The following PCDHGA5 variants were observed in gnomAD, a reference collection of about 807,000 sequenced individuals.
PCDHGA5 encodes protocadherin gamma subfamily A, 5, also known as protocadherin gamma-A5.
A neutral mutation model predicts 56.7 loss-of-function variants in PCDHGA5; 36 were observed. The ratio of observed to expected loss-of-function variants is 0.64; its 90% CI spans 0.49 to 0.84. The LOEUF (loss-of-function observed/expected upper bound fraction) is 0.84. PCDHGA5 is among the 40% of genes least tolerant of loss of function. PCDHGA5 has a pLI of 0.00. For synonymous variants in PCDHGA5, 563 were observed against 520.2 expected (o/e 1.08, Z -1.12); for missense variants, 1,305 against 1,201.5 (o/e 1.09, Z -1.27).
rs1439461935 is a variant in PCDHGA5 at position 141,511,976 on chromosome 5, G to A, written c.*803G>A. ...ATAAGGAAGGGAAGTGTGTGGATGT[G>A]GATGGTGGGGGCATGGACAAAGCTT... is the stretch of plus-strand genomic sequence containing the variant. On this transcript the variant is annotated 3_prime_UTR_variant, in exon 4 of 4. Coordinates refer to ENST00000518069, the MANE Select transcript of PCDHGA5 (RefSeq NM_018918.3). 6.5e-6 allele frequency: 1 copy of A among 153,384 alleles called. No homozygotes were observed. Among genetic ancestry groups the A allele is most frequent in the Non-Finnish European group, 1.5e-5 (1 of 68,664 alleles). 9.5% of individuals were successfully genotyped at this position (153,384 alleles called of 1,614,324 possible).
At chr5:141,428,635 G>A (rs1411119011) in intron 1 of PCDHGA5, 1 of 180,288 alleles carries the variant, frequency 5.5e-6, no homozygotes, top group Non-Finnish European at 1.2e-5. Context: ...TAACTCTGTT[G>A]CTCCTACTCA....
chr5:141,479,057 T>A (rs2099487107), intron 1 of PCDHGA5, among the ~76,000 whole-genome samples: 1 of 152,234 alleles, frequency 6.6e-6, no homozygotes, highest in East Asian at 1.9e-4. Context: ...TCTCAGATAA[T>A]TTTTTATGAA....
chr5:141,448,756 C>T (rs938202200), intron 1 of PCDHGA5, among the ~76,000 whole-genome samples: 1 of 151,742 alleles, frequency 6.6e-6, no homozygotes, highest in African/African-American at 2.4e-5. Context: ...CTGGCTAACA[C>T]GGTGAAACCC....
intron 1 of PCDHGA5, among the ~76,000 whole-genome samples, chr5:141,444,014 T>C (rs2098414038): frequency 6.6e-6 from 1 of 152,122 alleles, no homozygotes; most frequent in Admixed American, 6.6e-5. Flanking sequence ...GGGTATTGGC[T>C]TCTAAAAGGA....
intron 1 of PCDHGA5, chr5:141,414,589 G>T: frequency 1.2e-6 from 2 of 1,613,834 alleles, no homozygotes; most frequent in African/African-American, 2.7e-5. Flanking sequence ...CAACGCCAGG[G>T]GTGCCTCCAT....
At chr5:141,375,564 A>G (rs1771592295) in intron 1 of PCDHGA5, 3 of 1,613,974 alleles carry the variant, frequency 1.9e-6, no homozygotes, top group African/African-American at 1.3e-5. Flanking sequence ...CTGGCAGAAG[A>G]CACCCTCCAG....
At chr5:141,452,751 A>C (rs1592230802) in intron 1 of PCDHGA5, among the ~76,000 whole-genome samples, 1 of 152,094 alleles carries the variant, frequency 6.6e-6, no homozygotes, top group South Asian at 2.1e-4. Context: ...AGAAGGAAGA[A>C]GGAAGGGAGG....
chr5:141,465,030 C>T (rs922114985), intron 1 of PCDHGA5, among the ~76,000 whole-genome samples: 2 of 152,086 alleles, frequency 1.3e-5, no homozygotes, highest in Non-Finnish European at 1.5e-5. Context: ...CCATGAACCA[C>T]CACAAATGAC....
At chr5:141,454,311 T>G (rs755771201) in intron 1 of PCDHGA5, among the ~76,000 whole-genome samples, 6 of 152,216 alleles carry the variant, frequency 3.9e-5, no homozygotes, top group Admixed American at 2.6e-4. Context: ...TTTCAAAGCA[T>G]TGAAACCTCC....
chr5:141,394,547 G>A, intron 1 of PCDHGA5: 8 of 1,614,098 alleles, frequency 5.0e-6, no homozygotes, highest in Non-Finnish European at 6.8e-6. Context: ...TGGAGCTGGC[G>A]CCCCGCTCCG....
Position 141,365,622 on chromosome 5 carries a change from C to T in PCDHGA5, c.1292C>T (p.Pro431Leu). Residue 431 changes from proline (P) to leucine (L), a missense_variant, in exon 1 of 4, where the codon CCC becomes CTC. By Grantham distance (98) the Pro-to-Leu change is moderately conservative. Coordinates refer to ENST00000518069, the MANE Select transcript of PCDHGA5 (RefSeq NM_018918.3). The part of the protein sequence containing the change: ...TLTVMDHGTP[P>L]LSTESHIPLK... Reference sequence around the variant, plus strand: ...ACCGTCATGGACCATGGAACCCCGCCCCTCTCTACAGAAAGCCACATCCCC... The same window carrying T: ...ACCGTCATGGACCATGGAACCCCGCTCCTCTCTACAGAAAGCCACATCCCC... The T allele has an allele frequency of 6.2e-7, 1 of 1,613,594 alleles. No homozygotes were observed. Among genetic ancestry groups the T allele is most frequent in the Non-Finnish European group, 8.5e-7 (1 of 1,179,870 alleles).
intron 1 of PCDHGA5, 84 bp from the exon 2 acceptor site, chr5:141,494,723 C>T: frequency 1.9e-6 from 3 of 1,606,114 alleles, no homozygotes; most frequent in Non-Finnish European, 2.6e-6. Flanking sequence ...TCCCCTCCTT[C>T]TCTCCCGGCC....
Position 141,487,632 on chromosome 5 carries a change from C to G in PCDHGA5, c.2422-7175C>G, listed in dbSNP as rs374506603. The G allele has an allele frequency of 6.2e-7, 1 of 1,614,186 alleles. No homozygotes were observed. Among genetic ancestry groups the G allele is most frequent in the East Asian group, 2.2e-5 (1 of 44,888 alleles). On this transcript the variant is annotated intron_variant, in intron 1 of 3. Coordinates refer to ENST00000518069, the MANE Select transcript of PCDHGA5 (RefSeq NM_018918.3). The surrounding 1 kb of genome is among the most constrained non-coding windows in gnomAD (Gnocchi z 5.0). ...GGGCTAGAGGTGAGACCTTTGCAGG[C>G]TCAACAAATGCTTGAGGGTTATTCT... is the stretch of plus-strand genomic sequence containing the variant.
chr5:141,466,099 G>A (rs879849411), intron 1 of PCDHGA5, among the ~76,000 whole-genome samples: 2 of 151,938 alleles, frequency 1.3e-5, no homozygotes, highest in Non-Finnish European at 2.9e-5. Context: ...TCCAGCCTGG[G>A]CAACAGAGTG....
chr5:141,398,945 T>G, intron 1 of PCDHGA5: 3 of 1,613,974 alleles, frequency 1.9e-6, no homozygotes, highest in Non-Finnish European at 2.5e-6. Context: ...GACGAGGGCA[T>G]CAACTCAGAA....
rs1191643556 is a variant in PCDHGA5 at position 141,486,302 on chromosome 5, C to A, written c.2422-8505C>A. On this transcript the variant is annotated intron_variant, in intron 1 of 3. Transcript: ENST00000518069. The surrounding 1 kb of genome is among the most constrained non-coding windows in gnomAD (Gnocchi z 5.0). ...GGTGGCACTTATCAGTGTGCAGGAT[C>A]CAGACTCAGGGTCAAACGGAGATGT... The A allele has an allele frequency of 6.2e-7, 1 of 1,614,036 alleles. No individual in the cohort carries two copies. The highest frequency in any genetic ancestry group is 8.5e-7 in the Non-Finnish European group (1 of 1,179,994).
At position 141,403,415 on chromosome 5, in the gene PCDHGA5, C is replaced by T. The variant is rs770058522; in HGVS notation, c.2421+36664C>T. 6.8e-6 allele frequency: 11 copies of T among 1,614,046 alleles called. No individual in the cohort carries two copies. The South Asian group carries it at 1.2e-4, about 18-fold the overall frequency. ...GGTTCCTGGAGCACGTTATCCACTT[C>T]CAGAAGCTATTGATCCGGATGTTGG... On this transcript the variant is annotated intron_variant, in intron 1 of 3. Coordinates refer to ENST00000518069, the MANE Select transcript of PCDHGA5 (RefSeq NM_018918.3).
At position 141,405,317 on chromosome 5, in the gene PCDHGA5, G is replaced by A. The variant is rs1443108777; in HGVS notation, c.2421+38566G>A. ...CAGCCAGCAGAGCTGTGAGAAAAAT[G>A]AGCCTTTGTGCGTCTCTGTTGATTC... On this transcript the variant is annotated intron_variant, in intron 1 of 3. Coordinates refer to ENST00000518069, the MANE Select transcript of PCDHGA5 (RefSeq NM_018918.3). 2.5e-6 allele frequency: 4 copies of A among 1,614,080 alleles called. No individual in the cohort carries two copies. The African/African-American group carries it at 5.3e-5, about 22-fold the overall frequency.
In PCDHGA5 at chr5:141,476,853, A is replaced by G; in HGVS notation, c.2422-17954A>G. ...AATGACAATGCGCCTGTCTTCAACCAGTCCTTGTACCGGGCGCGCGTCCTG... is the reference window on the plus strand; with the variant it reads ...AATGACAATGCGCCTGTCTTCAACCGGTCCTTGTACCGGGCGCGCGTCCTG... On this transcript the variant is annotated intron_variant, in intron 1 of 3. Coordinates refer to ENST00000518069, the MANE Select transcript of PCDHGA5 (RefSeq NM_018918.3). This position sits in a 1 kb window ranked among gnomAD's most constrained non-coding sequence, Gnocchi z 7.6. The G allele has an allele frequency of 6.2e-7, 1 of 1,613,870 alleles. No individual in the cohort carries two copies. Among genetic ancestry groups the G allele is most frequent in the Non-Finnish European group, 8.5e-7 (1 of 1,180,042 alleles).
Sources: gnomAD v4.1 joint callset for allele counts (sites outside exome capture counted in the v4.1 genomes callset) on GRCh38, gnomAD v4.1.1 for gene constraint, Gnocchi (gnomAD v3.1) non-coding constraint, MANE v1.5 for transcripts, NCBI Gene and HGNC (gene_info 2026-07-23, HGNC 2026-07-21) for gene names.